The following RELN variants were observed in gnomAD, a reference collection of about 807,000 sequenced individuals.
RELN encodes the protein reelin.
Under a neutral mutation model 427.6 loss-of-function variants are expected in RELN, and 108 were observed. That is an observed-to-expected ratio of 0.25 (90% CI 0.22 to 0.30). The LOEUF (loss-of-function observed/expected upper bound fraction) is 0.30, where lower values mean the gene tolerates loss of function less well. Among genes scored for constraint, RELN ranks in the 10% least tolerant of loss-of-function variants. The probability of loss-of-function intolerance (pLI) is 1.00; values close to 1 mark genes in which losing one functional copy is unlikely to be tolerated. For synonymous variants in RELN, 1,524 were observed against 1,513.4 expected (o/e 1.01, Z -0.16); for missense variants, 3,715 against 4,302.8 (o/e 0.86, Z 3.82).
At chr7:103,956,317 C>G (rs1225529096) in intron 1 of RELN, among the ~76,000 whole-genome samples, 1 of 152,126 alleles carries the variant, frequency 6.6e-6, no homozygotes, top group Non-Finnish European at 1.5e-5. Context: ...GAAAGATGTG[C>G]AAACACAGTA....
chr7:103,698,879 A>T (rs897156009), intron 9 of RELN, among the ~76,000 whole-genome samples: 2 of 152,060 alleles, frequency 1.3e-5, no homozygotes, highest in African/African-American at 4.8e-5. Context: ...CACTGTGTGC[A>T]ATATGTTTAA....
Position 103,989,381 on chromosome 7 carries a change from G to GCCGCCGCCGCCGCCGC in RELN, c.-26_-25insGCGGCGGCGGCGGCGG, listed in dbSNP as rs771609138. 6.9e-7 allele frequency: 1 copy of GCCGCCGCCGCCGCCGC among 1,440,924 alleles called. No individual in the cohort carries two copies. Among genetic ancestry groups the GCCGCCGCCGCCGCCGC allele is most frequent in the Non-Finnish European group, 9.0e-7 (1 of 1,108,432 alleles). 89.3% of individuals were successfully genotyped at this position (1,440,924 alleles called of 1,614,324 possible). ...TGCCGCCGCCGCCGCCGCCGCCGCC[G>GCCGCCGCCGCCGCCGC]CGCGCCCTACGCGCCGCTCGCTCAT... On this transcript the variant is annotated 5_prime_UTR_variant, in exon 1 of 65. Transcript: ENST00000428762. The surrounding 1 kb of genome is among the most constrained non-coding windows in gnomAD (Gnocchi z 4.9).
At chr7:103,865,152 A>AAG (rs1794168469) in intron 2 of RELN, among the ~76,000 whole-genome samples, 1 of 149,276 alleles carries the variant, frequency 6.7e-6, no homozygotes, top group African/African-American at 2.4e-5. Flanking sequence ...AAAAAAAAAA[A>AAG]AAAGAAAGAA....
rs981918374 is a variant in RELN, at chr7:103,490,158, T to C, written c.9606-259A>G. Among the ~76,000 whole-genome samples, 8 of 152,358 alleles carry C rather than the reference T, an allele frequency of 5.3e-5. No individual in the cohort carries two copies. The Middle Eastern group carries it at 0.014, about 259-fold the overall frequency. ...CCTATTCTAGTCCATAATAAATCTGTGTACATTTTTCCTACACAGGTGTAT... is the reference window on the plus strand; with the variant it reads ...CCTATTCTAGTCCATAATAAATCTGCGTACATTTTTCCTACACAGGTGTAT... On this transcript the variant is annotated intron_variant, in intron 59 of 64. Coordinates refer to ENST00000428762, the MANE Select transcript of RELN (RefSeq NM_005045.4).
At chr7:103,792,631 T>C (rs2116277218) in intron 3 of RELN, among the ~76,000 whole-genome samples, 1 of 152,170 alleles carries the variant, frequency 6.6e-6, no homozygotes, top group Admixed American at 6.5e-5. Flanking sequence ...TTAGGGGTAA[T>C]AAAAATGTTA....
intron 11 of RELN, among the ~76,000 whole-genome samples, chr7:103,667,034 T>C (rs1833282901): frequency 6.6e-6 from 1 of 152,218 alleles, no homozygotes. Flanking sequence ...ATTACTCAGG[T>C]TTTTAATTTC....
Position 103,989,583 on chromosome 7 carries a change from G to A in RELN, c.-227C>T, listed in dbSNP as rs1257488120. ...CGCGGGAGCGCGGGACCGGGGCTGC[G>A]GGCGCCGAGAGCGCGTCGTCTGCCG... On this transcript the variant is annotated 5_prime_UTR_variant, in exon 1 of 65. Transcript: ENST00000428762. This position sits in a 1 kb window ranked among gnomAD's most constrained non-coding sequence, Gnocchi z 4.9. 5 of 398,372 alleles carry A rather than the reference G, an allele frequency of 1.3e-5. No homozygotes were observed. Among genetic ancestry groups the A allele is most frequent in the Non-Finnish European group, 2.1e-5 (5 of 233,768 alleles). The allele number at this position is 398,372 out of a possible 1,614,324, so 24.7% of individuals were successfully genotyped here. A position where few individuals can be genotyped will look rare whatever the true frequency, so the allele number is the denominator to read the frequency against.
At chr7:103,622,557 T>C (rs982473775) in intron 20 of RELN, among the ~76,000 whole-genome samples, 41 of 152,184 alleles carry the variant, frequency 2.7e-4, no homozygotes, top group African/African-American at 9.9e-4. Context: ...TCCAGAATCT[T>C]TATATTGTCC....
chr7:103,796,685 A>C (rs1792306215), intron 3 of RELN, among the ~76,000 whole-genome samples: 1 of 152,138 alleles, frequency 6.6e-6, no homozygotes, highest in Admixed American at 6.5e-5. Context: ...ACATGCCAAA[A>C]ACCTGTCTCA....
At chr7:103,647,660 A>G (rs1446556086) in intron 16 of RELN, among the ~76,000 whole-genome samples, 3 of 152,052 alleles carry the variant, frequency 2.0e-5, no homozygotes, top group Non-Finnish European at 4.4e-5. Flanking sequence ...TGCAAATCCT[A>G]TCAGAATACT....
chr7:103,908,362 G>A (rs1195724542), intron 2 of RELN, among the ~76,000 whole-genome samples: 1 of 152,100 alleles, frequency 6.6e-6, no homozygotes, highest in Non-Finnish European at 1.5e-5. Context: ...CTAGGTATTT[G>A]AACTGATAAT....
chr7:103,606,027 T>C (rs1286433185), intron 22 of RELN, among the ~76,000 whole-genome samples: 1 of 152,200 alleles, frequency 6.6e-6, no homozygotes, highest in Non-Finnish European at 1.5e-5. Flanking sequence ...ACAGTCCCAC[T>C]AAGAAATGGT....
At chr7:103,818,078 A>G (rs192942805) in intron 3 of RELN, among the ~76,000 whole-genome samples, 3 of 152,174 alleles carry the variant, frequency 2.0e-5, no homozygotes, top group East Asian at 3.9e-4. Context: ...ACTAACTTAC[A>G]TTATCTTATG....
At position 103,610,747 on chromosome 7, in the gene RELN, T is replaced by G; in HGVS notation, c.2956A>C (p.Ser986Arg). Reference sequence around the variant, plus strand: ...ACTCTCCTCCACTGTGTAAACTCACTGGCATGGTAAATACTTGCTGATGTA... The same window carrying G: ...ACTCTCCTCCACTGTGTAAACTCACGGGCATGGTAAATACTTGCTGATGTA... ...EFTSASIYHA[S>R]EFTQWRRVIV... Residue 986 changes from serine (S) to arginine (R), a missense_variant, in exon 22 of 65, where the codon AGT becomes CGT. By Grantham distance (110) the Ser-to-Arg change is moderately radical. Around this residue, in one of 4 missense-constraint regions of RELN, gnomAD observed 2,208 missense variants for 2,361.7 expected, o/e 0.93. Coordinates refer to ENST00000428762, the MANE Select transcript of RELN (RefSeq NM_005045.4). 2 of 1,612,372 alleles carry G rather than the reference T, an allele frequency of 1.2e-6. No individual in the cohort carries two copies. Among genetic ancestry groups the G allele is most frequent in the Non-Finnish European group, 1.7e-6 (2 of 1,178,572 alleles).
chr7:103,713,295 G>A (rs10265101), intron 8 of RELN, among the ~76,000 whole-genome samples: 90,771 of 152,002 alleles, frequency 0.6, 27,848 homozygotes, highest in African/African-American at 0.74. Context: ...ACAGCATTTG[G>A]TATAGAAAGA....
In RELN at chr7:103,902,416, T is replaced by G. The variant is rs982463032; in HGVS notation, c.337+14659A>C. On this transcript the variant is annotated intron_variant, in intron 2 of 64. Transcript: ENST00000428762. ...TAACTATATTTATTTTACTTTTAAT[T>G]TGCTATTTACAAGAGTTCAAGTGGA... Among the ~76,000 whole-genome samples the G allele has an allele frequency of 1.2e-4, 18 of 152,206 alleles. No individual in the cohort carries two copies. The East Asian group carries it at 3.5e-3, about 29-fold the overall frequency.
At chr7:103,855,487 T>A (rs1420856867) in intron 2 of RELN, among the ~76,000 whole-genome samples, 1 of 152,188 alleles carries the variant, frequency 6.6e-6, no homozygotes, top group East Asian at 1.9e-4. Context: ...GCCTGGAAGA[T>A]CCCTGCAAGA....
intron 34 of RELN, among the ~76,000 whole-genome samples, chr7:103,564,766 G>A (rs1049275628): frequency 2.0e-5 from 3 of 152,054 alleles, no homozygotes; most frequent in African/African-American, 7.2e-5. Context: ...ATCCTCCAAT[G>A]ATCCAAATGC....
Position 103,640,501 on chromosome 7 carries a change from C to T in RELN, c.2069+42G>A. 1 of 1,590,454 alleles carries T rather than the reference C, an allele frequency of 6.3e-7. No individual in the cohort carries two copies. Among genetic ancestry groups the T allele is most frequent in the Non-Finnish European group, 8.6e-7 (1 of 1,158,928 alleles). On this transcript the variant is annotated intron_variant, in intron 17 of 64. Coordinates refer to ENST00000428762, the MANE Select transcript of RELN (RefSeq NM_005045.4). The surrounding 1 kb of genome is among the most constrained non-coding windows in gnomAD (Gnocchi z 4.1). ...TTGCGACTTCAACACATACATTACACATCAAAAAGGAGAAGCATAAGTGTT... is the reference window on the plus strand; with the variant it reads ...TTGCGACTTCAACACATACATTACATATCAAAAAGGAGAAGCATAAGTGTT...
Sources: allele counts gnomAD v4.1 joint callset (sites outside exome capture counted in the v4.1 genomes callset), GRCh38; gene constraint gnomAD v4.1.1; regional missense constraint gnomAD v4.1.1; non-coding constraint Gnocchi (gnomAD v3.1); transcripts MANE v1.5; gene names NCBI Gene and HGNC (gene_info 2026-07-23, HGNC 2026-07-21).